Variants in NPLOC4 observed in about 807,000 individuals in gnomAD.
NPLOC4 encodes nuclear protein localization protein 4 homolog.
NPLOC4 carries 18 observed loss-of-function variants against 80.6 expected under a neutral mutation model. That is an observed-to-expected ratio of 0.22 (90% CI 0.15 to 0.33). NPLOC4 has a LOEUF of 0.33. Ranked by LOEUF, NPLOC4 falls within the 10% of genes least tolerant of loss-of-function variation. The pLI, the probability that NPLOC4 is intolerant of heterozygous loss-of-function variation, is 1.00. For synonymous variants in NPLOC4, 313 were observed against 301.5 expected (o/e 1.04, Z -0.39); for missense variants, 540 against 786.1 (o/e 0.69, Z 3.74).
chr17:81,609,838 A>T (rs1280143863), intron 5 of NPLOC4, among the ~76,000 whole-genome samples: 1 of 152,226 alleles, frequency 6.6e-6, no homozygotes, highest in Non-Finnish European at 1.5e-5. Flanking sequence ...TCACCAGGAC[A>T]AACCAGTAGA....
intron 9 of NPLOC4, among the ~76,000 whole-genome samples, chr17:81,597,858 G>GA (rs2034958431): frequency 6.6e-6 from 1 of 151,822 alleles, no homozygotes; most frequent in Non-Finnish European, 1.5e-5. Flanking sequence ...CACTTCGGGA[G>GA]GCCAAGACGG....
rs567827230 is a variant in NPLOC4 at position 81,577,807 on chromosome 17, C to T, written c.1282-5719G>A. Among the ~76,000 whole-genome samples the T allele has an allele frequency of 8.5e-5, 13 of 152,282 alleles. No individual in the cohort carries two copies. The highest frequency in any genetic ancestry group is 3.1e-4 in the African/African-American group (13 of 41,554). On this transcript the variant is annotated intron_variant, in intron 12 of 16. Coordinates refer to ENST00000331134, the MANE Select transcript of NPLOC4 (RefSeq NM_017921.4). This position sits in a 1 kb window ranked among gnomAD's most constrained non-coding sequence, Gnocchi z 4.3. The stretch of plus-strand genomic sequence containing the variant: ...GCCTGTGCTCCTCTCTGCACACCTG[C>T]CAGGCCTCCAAACCTCTCAGTCCCA...
At chr17:81,615,096 G>GTTTT (rs1555686145) in intron 3 of NPLOC4, among the ~76,000 whole-genome samples, 1 of 81,200 alleles carries the variant, frequency 1.2e-5, no homozygotes, top group Non-Finnish European at 2.2e-5. Flanking sequence ...AGAGACGTCT[G>GTTTT]TTTCTTTTTT....
intron 4 of NPLOC4, among the ~76,000 whole-genome samples, chr17:81,610,756 T>G (rs1261525924): frequency 2.6e-5 from 1 of 38,566 alleles, no homozygotes; most frequent in African/African-American, 6.5e-5. Flanking sequence ...ATCGAGACCA[T>G]CCTGGCTAAC....
At chr17:81,594,520 T>C (rs2034843748) in intron 11 of NPLOC4, among the ~76,000 whole-genome samples, 1 of 151,910 alleles carries the variant, frequency 6.6e-6, no homozygotes, top group African/African-American at 2.4e-5. Flanking sequence ...CTCACGCCTG[T>C]CATCCCAGCA....
At chr17:81,597,451 C>T (rs558755113) in intron 9 of NPLOC4, 135 bp from the exon 10 acceptor site, 13 of 664,894 alleles carry the variant, frequency 2.0e-5, no homozygotes, top group African/African-American at 3.6e-5. Flanking sequence ...GAGATCGAGA[C>T]CATCCTGGCC....
chr17:81,599,155 G>C (rs1277292392), intron 9 of NPLOC4, among the ~76,000 whole-genome samples: 1 of 151,870 alleles, frequency 6.6e-6, no homozygotes, highest in African/African-American at 2.4e-5. Flanking sequence ...TGGGCGTTGT[G>C]GCGGGTGCCT....
At chr17:81,565,336 C>A in intron 16 of NPLOC4, 169 bp downstream of exon 16, 2 of 712,210 alleles carry the variant, frequency 2.8e-6, no homozygotes, top group Non-Finnish European at 5.1e-6. Context: ...GAGCCTGCCA[C>A]GTGCCTGGCA....
intron 2 of NPLOC4, among the ~76,000 whole-genome samples, chr17:81,626,874 G>A (rs1339018697): frequency 6.6e-6 from 1 of 151,908 alleles, no homozygotes; most frequent in Non-Finnish European, 1.5e-5. Flanking sequence ...CGGATCACCT[G>A]AGATCAGGAA....
At chr17:81,562,724 G>A (rs72855624) in intron 16 of NPLOC4, 22,903 of 151,272 alleles carry the variant, frequency 0.15, 2,083 homozygotes, top group Admixed American at 0.23. Flanking sequence ...GGATCGCTTG[G>A]GCCCAAGAGT....
chr17:81,576,439 C>G (rs1036504437), intron 12 of NPLOC4, among the ~76,000 whole-genome samples: 4 of 152,108 alleles, frequency 2.6e-5, no homozygotes, highest in Non-Finnish European at 5.9e-5. Context: ...TACATATAAG[C>G]AGGTTGGAAG....
intron 3 of NPLOC4, among the ~76,000 whole-genome samples, chr17:81,618,705 A>G (rs1454428488): frequency 2.0e-5 from 3 of 151,594 alleles, no homozygotes; most frequent in East Asian, 2.0e-4. Context: ...TGGGAGGTGT[A>G]CCCAACAGCT....
In NPLOC4 at chr17:81,572,181, T is replaced by C; in HGVS notation, c.1282-93A>G. On this transcript the variant is annotated intron_variant, in intron 12 of 16. Coordinates refer to ENST00000331134, the MANE Select transcript of NPLOC4 (RefSeq NM_017921.4). The surrounding 1 kb of genome is among the most constrained non-coding windows in gnomAD (Gnocchi z 4.5). ...CTTGTCTCACCTTTTATTTAATTAA[T>C]TAATTTATTTATTTATTTATTTTTT... is the stretch of plus-strand genomic sequence containing the variant. The C allele has an allele frequency of 3.4e-6, 2 of 582,326 alleles. No homozygotes were observed. The highest frequency in any genetic ancestry group is 5.4e-6 in the Non-Finnish European group (2 of 373,738). 36.1% of individuals were successfully genotyped at this position (582,326 alleles called of 1,614,324 possible).
intron 3 of NPLOC4, among the ~76,000 whole-genome samples, chr17:81,617,943 T>C (rs1487410808): frequency 6.6e-6 from 1 of 152,028 alleles, no homozygotes; most frequent in Non-Finnish European, 1.5e-5. Context: ...GCAGACGGAG[T>C]CTCGTTCACT....
chr17:81,578,729 C>G (rs1418839216), intron 12 of NPLOC4, among the ~76,000 whole-genome samples: 1 of 152,112 alleles, frequency 6.6e-6, no homozygotes, highest in African/African-American at 2.4e-5. Flanking sequence ...GGGAACCACC[C>G]CCATGATTCA....
At chr17:81,585,445 C>T (rs1204918239) in intron 12 of NPLOC4, among the ~76,000 whole-genome samples, 4 of 151,850 alleles carry the variant, frequency 2.6e-5, no homozygotes, top group Admixed American at 6.6e-5. Context: ...GGGCAGATCA[C>T]GAGGTCAGGA....
chr17:81,559,167 AT>A lies in NPLOC4; in HGVS notation c.*91del. 1 of 1,390,342 alleles carries A rather than the reference AT, an allele frequency of 7.2e-7. No homozygotes were observed. Among genetic ancestry groups the A allele is most frequent in the African/African-American group, 1.4e-5 (1 of 69,520 alleles). The allele number at this position is 1,390,342 out of a possible 1,614,324, so 86.1% of individuals were successfully genotyped here. A position where few individuals can be genotyped will look rare whatever the true frequency, so the allele number is the denominator to read the frequency against. On this transcript the variant is annotated 3_prime_UTR_variant, in exon 17 of 17. Transcript: ENST00000331134. ...CCTTGTTCCTCCAGGGCTGCCCACT[AT>A]GGGGCAGTTACAGGGAACACACTCA...
rs777074208 is a variant in NPLOC4 at position 81,556,905 on chromosome 17, T to C, written c.*2354A>G. The C allele has an allele frequency of 6.6e-6, 1 of 152,298 alleles. No individual in the cohort carries two copies. Among genetic ancestry groups the C allele is most frequent in the Non-Finnish European group, 1.5e-5 (1 of 68,076 alleles). The allele number at this position is 152,298 out of a possible 1,614,324, so 9.4% of individuals were successfully genotyped here. On this transcript the variant is annotated 3_prime_UTR_variant, in exon 17 of 17. Coordinates refer to ENST00000331134, the MANE Select transcript of NPLOC4 (RefSeq NM_017921.4). ...CAGGCAGTTGCTTCAGGCGCTTTTA[T>C]TAGGTTCCACTGCAGGGCTGGGGTC...
At chr17:81,563,295 A>G (rs938357029) in intron 16 of NPLOC4, 3 of 151,884 alleles carry the variant, frequency 2.0e-5, no homozygotes, top group Non-Finnish European at 4.4e-5. Flanking sequence ...GGATGGTCTC[A>G]ATCCCTTGAC....
Sources: gnomAD v4.1 joint callset for allele counts (sites outside exome capture counted in the v4.1 genomes callset) on GRCh38, gnomAD v4.1.1 for gene constraint, Gnocchi (gnomAD v3.1) non-coding constraint, MANE v1.5 for transcripts, NCBI Gene and HGNC (gene_info 2026-07-23, HGNC 2026-07-21) for gene names.